Variants in PASK observed in about 807,000 individuals in gnomAD.
The protein encoded by PASK is PAS domain containing serine/threonine kinase.
PASK carries 110 observed loss-of-function variants against 121.0 expected under a neutral mutation model. The observed-to-expected ratio is 0.91, with a 90% CI of 0.78 to 1.06. The LOEUF (loss-of-function observed/expected upper bound fraction) is 1.06. PASK is among the 50% of genes least tolerant of loss of function. The probability of loss-of-function intolerance (pLI) is 0.00; values close to 1 mark genes in which losing one functional copy is unlikely to be tolerated. For synonymous variants in PASK, 686 were observed against 717.8 expected, an observed-to-expected ratio of 0.96 and a Z score of 0.71; for missense variants, 1,643 against 1,702.3, an observed-to-expected ratio of 0.97 and a Z score of 0.61.
At position 241,138,638 on chromosome 2, in the gene PASK, A is replaced by C; in HGVS notation, c.741+16T>G. 6.2e-7 allele frequency: 1 copy of C among 1,613,822 alleles called. No individual in the cohort carries two copies. The highest frequency in any genetic ancestry group is 8.5e-7 in the Non-Finnish European group (1 of 1,180,010). ...CTCCAGCGTCCATGAGACATGAGGC[A>C]AAGTTGCACACTCACATCGCTCTGG... is the stretch of plus-strand genomic sequence containing the variant. On this transcript the variant is annotated intron_variant, in intron 5 of 17. Coordinates refer to ENST00000234040, the MANE Select transcript of PASK (RefSeq NM_015148.4).
chr2:241,132,237 CA>C (rs1273639581), intron 9 of PASK, among the ~76,000 whole-genome samples: 1 of 151,264 alleles, frequency 6.6e-6, no homozygotes, highest in African/African-American at 2.4e-5. Flanking sequence ...GCAAAGAGAA[CA>C]GCTTCATATG....
rs372983773 is a variant in PASK, at chr2:241,140,645, C to T, written c.305G>A (p.Arg102Gln). 5.6e-6 allele frequency: 9 copies of T among 1,613,920 alleles called. No individual in the cohort carries two copies. Among genetic ancestry groups the T allele is most frequent in the South Asian group, 2.2e-5 (2 of 91,082 alleles). Residue 102 changes from arginine (R) to glutamine (Q), a missense_variant, in exon 3 of 18, where the codon CGG becomes CAG. Arg to Gln is a conservative substitution (Grantham distance 43). This residue lies in a region of PASK where 1,176 missense variants were observed against 1,162.2 expected (regional missense o/e 1.01). Transcript: ENST00000234040. ...CAGGGAGCAGCAGGACACACTGCCC[C>T]GCGGTTCGGACGGGTCCGTGTGCTC... is the stretch of plus-strand genomic sequence containing the variant. ...APEHTDPSEP[R>Q]GSVSCCSLLR... is the part of the protein sequence containing the mutation.
At chr2:241,113,420 C>CTGCATATTTATATATACATACA (rs1559357853) in intron 14 of PASK, 1 of 122,752 alleles carries the variant, frequency 8.1e-6, no homozygotes, top group African/African-American at 4.1e-5. Flanking sequence ...ATATACATAC[C>CTGCATATTTATATATACATACA]TGCATATTTA....
At chr2:241,147,285 A>G (rs1210394206) in intron 1 of PASK, among the ~76,000 whole-genome samples, 1 of 152,214 alleles carries the variant, frequency 6.6e-6, no homozygotes, top group Non-Finnish European at 1.5e-5. Flanking sequence ...TTCAGAATAC[A>G]TTGTTAGAAA....
chr2:241,135,588 T>C (rs539861466), intron 8 of PASK, among the ~76,000 whole-genome samples: 1 of 152,110 alleles, frequency 6.6e-6, no homozygotes, highest in Non-Finnish European at 1.5e-5. Context: ...CAGTTAGCTG[T>C]GTCTCGGATG....
intron 1 of PASK, 97 bp downstream of exon 1, chr2:241,149,317 A>G (rs1057338771): frequency 4.8e-6 from 1 of 208,726 alleles, no homozygotes; most frequent in Non-Finnish European, 9.6e-6. Context: ...CGGGCGGCGG[A>G]TCCTCCTGGG....
At chr2:241,138,462 G>A (rs1022894949) in intron 5 of PASK, among the ~76,000 whole-genome samples, 192 bp downstream of exon 5, 2 of 152,228 alleles carry the variant, frequency 1.3e-5, no homozygotes, top group African/African-American at 4.8e-5. Flanking sequence ...TCACAGGTGA[G>A]GAACTGAAGT....
chr2:241,137,396 G>A (rs1575325609), intron 6 of PASK, 132 bp from the exon 7 acceptor site: 2 of 770,724 alleles, frequency 2.6e-6, no homozygotes, highest in East Asian at 4.9e-5. Flanking sequence ...CACCCACACT[G>A]CTCTGCCTTC....
rs1465499793 is a variant in PASK at position 241,126,921 on chromosome 2, T to C, written c.1994A>G (p.Gln665Arg). 6.2e-7 allele frequency: 1 copy of C among 1,614,012 alleles called. No homozygotes were observed. The highest frequency in any genetic ancestry group is 1.3e-5 in the African/African-American group (1 of 74,932). Reference sequence around the variant, plus strand: ...TCCTGCAAGGCTCAACTGGGACAGCTGCTCCTTAATCAAGCAGGTCTGCAG... The same window carrying C: ...TCCTGCAAGGCTCAACTGGGACAGCCGCTCCTTAATCAAGCAGGTCTGCAG... ...EELQTCLIKE[Q>R]LSQLSLAGAL... The change falls in exon 10 of 18, where the codon CAG (glutamine) becomes CGG (arginine). Residue 665 changes from glutamine (Q) to arginine (R), a missense_variant. Around this residue, in one of 3 missense-constraint regions of PASK, gnomAD observed 1,176 missense variants for 1,162.2 expected, o/e 1.01. Coordinates refer to ENST00000234040, the MANE Select transcript of PASK (RefSeq NM_015148.4).
intron 2 of PASK, among the ~76,000 whole-genome samples, chr2:241,142,076 C>T (rs748765074): frequency 1.2e-4 from 18 of 152,184 alleles, no homozygotes; most frequent in South Asian, 2.1e-4. Context: ...GCCTCCCAGC[C>T]CACCCCTCCC....
chr2:241,133,458 G>A, intron 8 of PASK: 2 of 299,250 alleles, frequency 6.7e-6, no homozygotes, highest in South Asian at 6.3e-5. Flanking sequence ...TGCTGTACCT[G>A]GGTATCTACA....
intron 3 of PASK, 23 bp downstream of exon 3, chr2:241,140,497 TG>T (rs1267599869): frequency 2.7e-6 from 4 of 1,477,934 alleles, no homozygotes; most frequent in Non-Finnish European, 3.8e-6. Flanking sequence ...TCTACACAGC[TG>T]GATCTAAAAG....
intron 12 of PASK, among the ~76,000 whole-genome samples, chr2:241,118,258 C>G (rs745636154): frequency 2.0e-5 from 3 of 151,712 alleles, no homozygotes; most frequent in Non-Finnish European, 4.4e-5. Context: ...TAGCATTTTC[C>G]AGTTTCATAA....
intron 14 of PASK, chr2:241,113,256 A>G (rs1214321606): frequency 6.6e-6 from 1 of 152,250 alleles, no homozygotes; most frequent in East Asian, 1.9e-4. Flanking sequence ...AGACAAATTT[A>G]TATTTACAAA....
chr2:241,108,644 G>A lies in PASK; in HGVS notation c.3534-344C>T. 1 of 394,020 alleles carries A rather than the reference G, an allele frequency of 2.5e-6. No individual in the cohort carries two copies. Among genetic ancestry groups the A allele is most frequent in the Non-Finnish European group, 4.9e-6 (1 of 205,618 alleles). 24.4% of individuals were successfully genotyped at this position (394,020 alleles called of 1,614,324 possible). A position where few individuals can be genotyped will look rare whatever the true frequency, so the allele number is the denominator to read the frequency against. ...GTACACGTCCATTGGCTTTGCTGAG[G>A]GCCACGGGAGCTGCAGGCCACTTCA... On this transcript the variant is annotated intron_variant, in intron 15 of 17. Coordinates refer to ENST00000234040, the MANE Select transcript of PASK (RefSeq NM_015148.4). This position sits in a 1 kb window ranked among gnomAD's most constrained non-coding sequence, Gnocchi z 5.2.
chr2:241,108,307 G>C lies in PASK; in HGVS notation c.3534-7C>G, dbSNP rs753255808. On this transcript the variant is annotated splice_region_variant and splice_polypyrimidine_tract_variant and intron_variant, in intron 15 of 17. Transcript: ENST00000234040. This position sits in a 1 kb window ranked among gnomAD's most constrained non-coding sequence, Gnocchi z 5.2. ...CAGCTCCGGCCCTCTGTAGCTGTGA[G>C]GAGGAGGAGGCATCAGGACGCCACG... 1 of 1,611,836 alleles carries C rather than the reference G, an allele frequency of 6.2e-7. No individual in the cohort carries two copies. Among genetic ancestry groups the C allele is most frequent in the Non-Finnish European group, 8.5e-7 (1 of 1,178,196 alleles).
chr2:241,125,581 CAGAG>C (rs1358257236), intron 10 of PASK, among the ~76,000 whole-genome samples: 2 of 125,184 alleles, frequency 1.6e-5, no homozygotes, highest in South Asian at 5.1e-4. Context: ...GCCTGGGCAA[CAGAG>C]AGAGACTCTG....
Position 241,125,870 on chromosome 2 carries a change from C to T in PASK, c.2719+326G>A, listed in dbSNP as rs180917681. Among the ~76,000 whole-genome samples, 174 of 152,232 alleles carry T rather than the reference C, an allele frequency of 1.1e-3. 1 individual carries two copies. Among genetic ancestry groups the T allele is most frequent in the African/African-American group, 4.1e-3 (170 of 41,544 alleles). The stretch of plus-strand genomic sequence containing the variant: ...GACAGACTCTAGCGTGACACCCCCA[C>T]GCTTCTCCTGCTCCCGACGGGATCT... On this transcript the variant is annotated intron_variant, in intron 10 of 17. Coordinates refer to ENST00000234040, the MANE Select transcript of PASK (RefSeq NM_015148.4).
chr2:241,147,019 G>A (rs1478745270), intron 1 of PASK, among the ~76,000 whole-genome samples: 1 of 152,168 alleles, frequency 6.6e-6, no homozygotes, highest in Non-Finnish European at 1.5e-5. Context: ...ATAGGGTTTG[G>A]GGTTCGAGTG....
Sources: allele counts gnomAD v4.1 joint callset (sites outside exome capture counted in the v4.1 genomes callset), GRCh38; gene constraint gnomAD v4.1.1; regional missense constraint gnomAD v4.1.1; non-coding constraint Gnocchi (gnomAD v3.1); transcripts MANE v1.5; gene names NCBI Gene and HGNC (gene_info 2026-07-23, HGNC 2026-07-21).